ITPR1: variants seen among roughly 807,000 people sequenced by gnomAD.
ITPR1 encodes the protein inositol 1,4,5-trisphosphate receptor type 1, also known as inositol 1,4,5-trisphosphate-gated calcium channel ITPR1.
ITPR1 carries 96 observed loss-of-function variants against 318.4 expected under a neutral mutation model. The observed-to-expected ratio is 0.30, with a 90% CI of 0.26 to 0.36. The LOEUF (loss-of-function observed/expected upper bound fraction) is 0.36, where lower values mean the gene tolerates loss of function less well. Among genes scored for constraint, ITPR1 ranks in the 10% least tolerant of loss-of-function variants. ITPR1 has a pLI of 1.00. For synonymous variants in ITPR1, 1,312 were observed against 1,289.9 expected, an observed-to-expected ratio of 1.02 and a Z score of -0.37; for missense variants, 2,440 against 3,460.2, an observed-to-expected ratio of 0.71 and a Z score of 7.40.
At chr3:4,723,720 G>C (rs2042319987) in intron 40 of ITPR1, among the ~76,000 whole-genome samples, 1 of 151,700 alleles carries the variant, frequency 6.6e-6, no homozygotes, top group Non-Finnish European at 1.5e-5. Context: ...AAAGGGGTAA[G>C]AGGGTAGCTC....
intron 2 of ITPR1, among the ~76,000 whole-genome samples, chr3:4,504,534 ATGC>A (rs1251356747): frequency 6.6e-6 from 1 of 152,206 alleles, no homozygotes. Flanking sequence ...TGATGGGGAC[ATGC>A]TGCATTTCTG....
chr3:4,674,968 A>G, intron 22 of ITPR1, 100 bp from the exon 23 acceptor site: 1 of 619,740 alleles, frequency 1.6e-6, no homozygotes, highest in South Asian at 2.3e-5. Context: ...ACCATAAGGA[A>G]GGTCCAAGTC....
rs1357412213 is a variant in ITPR1 at position 4,797,380 on chromosome 3, A to T, written c.6931+2193A>T. ...TTTCTTTGAGCTAATATGTGTTAGGATTTGTTGCATCCTAAAGGCAAGATT... is the reference window on the plus strand; with the variant it reads ...TTTCTTTGAGCTAATATGTGTTAGGTTTTGTTGCATCCTAAAGGCAAGATT... On this transcript the variant is annotated intron_variant, in intron 53 of 61. Coordinates refer to ENST00000649015, the MANE Select transcript of ITPR1 (RefSeq NM_001378452.1). Among the ~76,000 whole-genome samples, 3 of 152,106 alleles carry T rather than the reference A, an allele frequency of 2.0e-5. No individual in the cohort carries two copies. The East Asian group carries it at 5.8e-4, about 29-fold the overall frequency.
At chr3:4,569,834 G>A (rs1055720229) in intron 4 of ITPR1, among the ~76,000 whole-genome samples, 2 of 152,172 alleles carry the variant, frequency 1.3e-5, no homozygotes, top group African/African-American at 4.8e-5. Context: ...AGTGGTTTTT[G>A]AAGAGCAGTT....
intron 12 of ITPR1, among the ~76,000 whole-genome samples, chr3:4,656,063 AG>A (rs750688721): frequency 5.6e-4 from 86 of 152,280 alleles, no homozygotes; most frequent in Admixed American, 9.1e-4. Flanking sequence ...TTCTAAATTC[AG>A]CACCCTGAAG....
At chr3:4,774,675 C>T (rs1163305037) in intron 46 of ITPR1, among the ~76,000 whole-genome samples, 1 of 152,232 alleles carries the variant, frequency 6.6e-6, no homozygotes, top group Non-Finnish European at 1.5e-5. Flanking sequence ...GGCACATGCA[C>T]ACAAGCACAC....
intron 3 of ITPR1, among the ~76,000 whole-genome samples, chr3:4,518,599 T>TA (rs1451134036): frequency 6.6e-6 from 1 of 152,138 alleles, no homozygotes; most frequent in African/African-American, 2.4e-5. Flanking sequence ...TGCCAGTCGT[T>TA]ATGGGACTCA....
intron 53 of ITPR1, 33 bp from the exon 54 acceptor site, chr3:4,800,392 G>A: frequency 6.2e-7 from 1 of 1,606,904 alleles, no homozygotes; most frequent in South Asian, 1.1e-5. Context: ...TGAAGGCACA[G>A]ATTTGTGAGA....
chr3:4,723,873 A>T (rs994276473), intron 40 of ITPR1, among the ~76,000 whole-genome samples: 15 of 152,130 alleles, frequency 9.9e-5, no homozygotes, highest in Admixed American at 7.9e-4. Flanking sequence ...CTGCTCTAAA[A>T]TGCATGGGAA....
At chr3:4,604,549 A>G (rs964636513) in intron 4 of ITPR1, among the ~76,000 whole-genome samples, 2 of 152,092 alleles carry the variant, frequency 1.3e-5, no homozygotes, top group African/African-American at 4.8e-5. Flanking sequence ...CTGCAATGAC[A>G]AGCAATGTAA....
intron 37 of ITPR1, among the ~76,000 whole-genome samples, chr3:4,708,246 CT>C (rs968972671): frequency 2.0e-5 from 3 of 151,900 alleles, no homozygotes; most frequent in African/African-American, 4.8e-5. Context: ...TAGATTATTC[CT>C]TTTTTTTCTT....
At chr3:4,596,140 G>T (rs776151562) in intron 4 of ITPR1, 1 of 152,152 alleles carries the variant, frequency 6.6e-6, no homozygotes, top group African/African-American at 2.4e-5. Context: ...GGAAAGCTCT[G>T]CATTTCACCG....
At chr3:4,612,187 G>A (rs545404280) in intron 4 of ITPR1, among the ~76,000 whole-genome samples, 5 of 145,176 alleles carry the variant, frequency 3.4e-5, no homozygotes, top group South Asian at 4.7e-4. Context: ...TCAGCCTCCC[G>A]AGTAGCTGGG....
At chr3:4,631,843 G>C (rs922769306) in intron 5 of ITPR1, among the ~76,000 whole-genome samples, 3 of 152,286 alleles carry the variant, frequency 2.0e-5, no homozygotes, top group Admixed American at 1.3e-4. Context: ...CTGGAATGCA[G>C]TGATGCCATC....
chr3:4,742,177 C>T (rs947801325), intron 44 of ITPR1, among the ~76,000 whole-genome samples: 1 of 152,188 alleles, frequency 6.6e-6, no homozygotes, highest in Non-Finnish European at 1.5e-5. Flanking sequence ...AACTGCGGGC[C>T]TCCAGACCAC....
chr3:4,678,404 G>A (rs3828434), intron 24 of ITPR1, among the ~76,000 whole-genome samples: 34,887 of 151,996 alleles, frequency 0.23, 4,504 homozygotes, highest in South Asian at 0.38. Flanking sequence ...CAGAAACGAC[G>A]CAGTGCAAAA....
In ITPR1 at chr3:4,797,690, C is replaced by T. The variant is rs1435972863; in HGVS notation, c.6931+2503C>T. 2.6e-5 allele frequency among the ~76,000 whole-genome samples: 4 copies of T among 152,136 alleles called. No individual in the cohort carries two copies. In the East Asian group the frequency reaches 7.7e-4, roughly 29 times the overall value. The stretch of plus-strand genomic sequence containing the variant: ...TAAATGTTTTTATTATTGAAATTGT[C>T]AAATATACACACAAGTAGAAAGAAC... On this transcript the variant is annotated intron_variant, in intron 53 of 61. Coordinates refer to ENST00000649015, the MANE Select transcript of ITPR1 (RefSeq NM_001378452.1).
intron 53 of ITPR1, 96 bp downstream of exon 53, chr3:4,795,283 C>G: frequency 8.7e-7 from 1 of 1,147,094 alleles, no homozygotes; most frequent in Non-Finnish European, 1.2e-6. Context: ...TGGTGCAGTA[C>G]TGGGGATCCC....
intron 52 of ITPR1, among the ~76,000 whole-genome samples, chr3:4,791,255 C>G (rs748389879): frequency 8.5e-5 from 13 of 152,150 alleles, no homozygotes; most frequent in Admixed American, 5.9e-4. Context: ...ACTTTTAGCC[C>G]CTGATAAGTA....
Sources: gnomAD v4.1 joint callset for allele counts (sites outside exome capture counted in the v4.1 genomes callset) on GRCh38, gnomAD v4.1.1 for gene constraint, MANE v1.5 for transcripts, NCBI Gene and HGNC (gene_info 2026-07-23, HGNC 2026-07-21) for gene names.